Variants in PLA2G4A observed in about 807,000 individuals in gnomAD.
The protein encoded by PLA2G4A is phospholipase A2 group IVA.
A neutral mutation model predicts 81.9 loss-of-function variants in PLA2G4A; 40 were observed. That is an observed-to-expected ratio of 0.49 (90% CI 0.38 to 0.64). The LOEUF is 0.64. Ranked by LOEUF, PLA2G4A falls within the 30% of genes least tolerant of loss-of-function variation. The pLI, the probability that PLA2G4A is intolerant of heterozygous loss-of-function variation, is 0.00. For synonymous variants in PLA2G4A, 302 were observed against 296.9 expected, an observed-to-expected ratio of 1.02 and a Z score of -0.18; for missense variants, 715 against 905.1, an observed-to-expected ratio of 0.79 and a Z score of 2.69.
chr1:186,924,085 G>A (rs978042588), intron 7 of PLA2G4A, among the ~76,000 whole-genome samples: 1 of 152,058 alleles, frequency 6.6e-6, no homozygotes, highest in Non-Finnish European at 1.5e-5. Context: ...AGCTCCTCTT[G>A]AATACCCCAA....
At chr1:186,870,057 C>T (rs1294960944) in intron 2 of PLA2G4A, among the ~76,000 whole-genome samples, 1 of 152,144 alleles carries the variant, frequency 6.6e-6, no homozygotes, top group African/African-American at 2.4e-5. Context: ...TGAACAGCAA[C>T]AACAACAAAC....
chr1:186,873,943 T>C (rs553098471), intron 3 of PLA2G4A, among the ~76,000 whole-genome samples: 24 of 152,122 alleles, frequency 1.6e-4, no homozygotes, highest in Non-Finnish European at 3.5e-4. Flanking sequence ...TTCTGCATTC[T>C]TATGTTTACA....
chr1:186,979,284 TAAC>T, intron 16 of PLA2G4A, 28 bp from the exon 17 acceptor site: 1 of 1,568,098 alleles, frequency 6.4e-7, no homozygotes, highest in Non-Finnish European at 8.8e-7. Flanking sequence ...GTTTTCAAAA[TAAC>T]ACCCTTTGTG....
chr1:186,906,886 A>T, intron 5 of PLA2G4A, 79 bp from the exon 6 acceptor site: 1 of 762,822 alleles, frequency 1.3e-6, no homozygotes, highest in Non-Finnish European at 2.3e-6. Flanking sequence ...TGGCACTCAA[A>T]ATTTATTTTG....
chr1:186,866,092 T>C (rs1226712128), intron 2 of PLA2G4A, among the ~76,000 whole-genome samples: 2 of 152,122 alleles, frequency 1.3e-5, no homozygotes, highest in African/African-American at 4.8e-5. Context: ...TTGGAGAATA[T>C]TGGTTGTGAA....
intron 3 of PLA2G4A, among the ~76,000 whole-genome samples, chr1:186,883,901 G>A (rs909565259): frequency 3.3e-5 from 5 of 152,112 alleles, no homozygotes; most frequent in African/African-American, 9.7e-5. Context: ...AGCAGTAAGT[G>A]TAGACTATAT....
chr1:186,914,393 C>T (rs1355980903), intron 7 of PLA2G4A, among the ~76,000 whole-genome samples: 1 of 33,362 alleles, frequency 3.0e-5, no homozygotes, highest in Non-Finnish European at 4.8e-5. Flanking sequence ...AAGCCACAGA[C>T]AAAAACCCCT....
intron 14 of PLA2G4A, 151 bp downstream of exon 14, chr1:186,956,495 G>A (rs928450588): frequency 1.2e-6 from 1 of 809,064 alleles, no homozygotes; most frequent in South Asian, 1.5e-5. Context: ...AAATGACTAG[G>A]GTTTTTTTTT....
rs1018270581 is a variant in PLA2G4A, at chr1:186,859,953, G to A, written c.33+5566G>A. ...AAATAAGATATTTTTAGAAAAGTTA[G>A]ATGATGAGATGTCGCTACTAGAAAA... On this transcript the variant is annotated intron_variant, in intron 2 of 17. Transcript: ENST00000367466. Among the ~76,000 whole-genome samples the A allele has an allele frequency of 2.0e-5, 3 of 152,120 alleles. No homozygotes were observed. The East Asian group carries it at 5.8e-4, about 29-fold the overall frequency.
chr1:186,980,163 T>C (rs1287607008), intron 17 of PLA2G4A, among the ~76,000 whole-genome samples: 1 of 152,088 alleles, frequency 6.6e-6, no homozygotes, highest in Non-Finnish European at 1.5e-5. Context: ...TTAGTCTCCA[T>C]CTCCTGACCT....
chr1:186,832,436 G>A (rs1017215979), intron 1 of PLA2G4A, among the ~76,000 whole-genome samples: 11 of 151,930 alleles, frequency 7.2e-5, no homozygotes, highest in Admixed American at 3.3e-4. Context: ...AATATTTAGC[G>A]AAATCTCATG....
intron 1 of PLA2G4A, among the ~76,000 whole-genome samples, chr1:186,836,400 C>T (rs1651778674): frequency 6.6e-6 from 1 of 151,860 alleles, no homozygotes; most frequent in Admixed American, 6.6e-5. Context: ...TAACAAGAAT[C>T]TTCAAGCACT....
At chr1:186,971,401 C>A (rs559932050) in intron 15 of PLA2G4A, among the ~76,000 whole-genome samples, 1 of 151,946 alleles carries the variant, frequency 6.6e-6, no homozygotes. Flanking sequence ...GTTTTAAAAT[C>A]ATTTTGTCAA....
intron 10 of PLA2G4A, among the ~76,000 whole-genome samples, chr1:186,940,808 GGTAT>G (rs1360758381): frequency 1.3e-5 from 2 of 152,004 alleles, no homozygotes; most frequent in African/African-American, 4.8e-5. Context: ...TGAACTCATG[GGTAT>G]ATAGAGCCAA....
intron 2 of PLA2G4A, among the ~76,000 whole-genome samples, chr1:186,863,552 G>C (rs1652895499): frequency 1.3e-5 from 2 of 151,930 alleles, no homozygotes; most frequent in African/African-American, 2.4e-5. Context: ...ATTAACCATA[G>C]TCATCCTGCT....
intron 3 of PLA2G4A, among the ~76,000 whole-genome samples, chr1:186,871,700 C>T (rs1375633063): frequency 6.6e-6 from 1 of 151,904 alleles, no homozygotes; most frequent in Non-Finnish European, 1.5e-5. Flanking sequence ...GATGATAAGC[C>T]CTGGTAAGAC....
chr1:186,884,274 G>A (rs1430870712), intron 3 of PLA2G4A, among the ~76,000 whole-genome samples: 1 of 137,746 alleles, frequency 7.3e-6, no homozygotes, highest in South Asian at 2.5e-4. Flanking sequence ...TTTTTTTTTA[G>A]TGAAGTGTGA....
At chr1:186,912,242 T>C (rs1654972092) in intron 7 of PLA2G4A, among the ~76,000 whole-genome samples, 1 of 152,136 alleles carries the variant, frequency 6.6e-6, no homozygotes, top group Non-Finnish European at 1.5e-5. Flanking sequence ...ACCATTATAC[T>C]CCCTAACTAT....
At chr1:186,918,367 T>A (rs1571400104) in intron 7 of PLA2G4A, among the ~76,000 whole-genome samples, 1 of 138,472 alleles carries the variant, frequency 7.2e-6, no homozygotes, top group African/African-American at 2.5e-5. Context: ...TAACAGGCCC[T>A]TTTCCTTATA....
Sources: allele counts gnomAD v4.1 joint callset (sites outside exome capture counted in the v4.1 genomes callset), GRCh38; gene constraint gnomAD v4.1.1; transcripts MANE v1.5; gene names NCBI Gene and HGNC (gene_info 2026-07-23, HGNC 2026-07-21).